Variants in DTNA observed in about 807,000 individuals in gnomAD.
DTNA encodes dystrophin-related protein 3.
Under a neutral mutation model 100.7 loss-of-function variants are expected in DTNA, and 43 were observed. That is an observed-to-expected ratio of 0.43 (90% CI 0.33 to 0.55). DTNA has a LOEUF of 0.55. Among genes scored for constraint, DTNA ranks in the 20% least tolerant of loss-of-function variants. The probability of loss-of-function intolerance (pLI) is 0.04; values close to 1 mark genes in which losing one functional copy is unlikely to be tolerated. For synonymous variants in DTNA, 349 were observed against 347.9 expected (o/e 1.00, Z -0.04); for missense variants, 798 against 953.9 (o/e 0.84, Z 2.15).
chr18:34,821,087 G>C, intron 9 of DTNA, 172 bp downstream of exon 9: 1 of 907,338 alleles, frequency 1.1e-6, no homozygotes, highest in East Asian at 2.7e-5. Flanking sequence ...GAGGTGTACA[G>C]TACTTCCACC....
rs1408396499 is a variant in DTNA at position 34,743,064 on chromosome 18, GA to G, written c.-1-12906del. ...TTCTCCCAGTCTTCCCTTAATTTCA[GA>G]AAAAATTCTCTTCAATGGAAGGGAC... On this transcript the variant is annotated intron_variant, in intron 1 of 22. Coordinates refer to ENST00000444659, the MANE Select transcript of DTNA (RefSeq NM_001386795.1). 4.6e-5 allele frequency among the ~76,000 whole-genome samples: 7 copies of G among 152,140 alleles called. No homozygotes were observed. The South Asian group carries it at 1.5e-3, about 32-fold the overall frequency.
At chr18:34,685,613 C>T (rs2078777806) in intron 1 of DTNA, among the ~76,000 whole-genome samples, 1 of 152,122 alleles carries the variant, frequency 6.6e-6, no homozygotes, top group Non-Finnish European at 1.5e-5. Flanking sequence ...ATTGTCTTGG[C>T]TATACAGGCT....
intron 1 of DTNA, among the ~76,000 whole-genome samples, chr18:34,533,527 G>T (rs780682089): frequency 1.3e-5 from 2 of 152,074 alleles, no homozygotes; most frequent in Non-Finnish European, 2.9e-5. Flanking sequence ...GGAACTAGAG[G>T]CAACCATATG....
chr18:34,528,604 C>A (rs998364407), intron 1 of DTNA, among the ~76,000 whole-genome samples: 13 of 152,050 alleles, frequency 8.5e-5, no homozygotes, highest in African/African-American at 3.1e-4. Flanking sequence ...AAAGAAAGAA[C>A]TACCCAGAAC....
intron 1 of DTNA, among the ~76,000 whole-genome samples, chr18:34,710,738 A>G (rs2082739272): frequency 6.6e-6 from 1 of 151,996 alleles, no homozygotes; most frequent in Non-Finnish European, 1.5e-5. Flanking sequence ...AAGTAATAAG[A>G]ATGCAATAAC....
At chr18:34,820,992 C>T (rs2095701693) in intron 9 of DTNA, 77 bp downstream of exon 9, 1 of 1,599,704 alleles carries the variant, frequency 6.3e-7, no homozygotes, top group Non-Finnish European at 8.6e-7. Flanking sequence ...AAAGCAATTT[C>T]CTATCAGTGG....
intron 1 of DTNA, among the ~76,000 whole-genome samples, chr18:34,511,500 G>A (rs2041090085): frequency 6.6e-6 from 1 of 152,048 alleles, no homozygotes; most frequent in Non-Finnish European, 1.5e-5. Context: ...TAACTTGAGA[G>A]TTGGCTGGGC....
intron 1 of DTNA, among the ~76,000 whole-genome samples, chr18:34,669,929 A>T (rs1023058921): frequency 8.5e-5 from 13 of 152,136 alleles, no homozygotes; most frequent in African/African-American, 3.1e-4. Context: ...CTTGAGGAGT[A>T]TCTTTGTGGC....
rs1445768007 is a variant in DTNA at position 34,794,346 on chromosome 18, T to TC, written c.362+96_362+97insC. ...TCCCAAACAATTTTATATCTCTCTCTTTTTTTTTTTACTCTCTTTTTTCTT... is the reference window on the plus strand; with the variant it reads ...TCCCAAACAATTTTATATCTCTCTCTCTTTTTTTTTTACTCTCTTTTTTCTT... On this transcript the variant is annotated intron_variant, in intron 4 of 22. Transcript: ENST00000444659. The TC allele has an allele frequency of 1.9e-5, 11 of 568,318 alleles. 1 individual carries two copies. The highest frequency in any genetic ancestry group is 1.6e-4 in the South Asian group (5 of 32,038). 35.2% of individuals were successfully genotyped at this position (568,318 alleles called of 1,614,324 possible).
chr18:34,707,023 T>C (rs1271104621), upstream of DTNA, among the ~76,000 whole-genome samples: 1 of 152,230 alleles, frequency 6.6e-6, no homozygotes, highest in Non-Finnish European at 1.5e-5. Context: ...TTTTTAACTA[T>C]GATGTGAAAA....
chr18:34,668,462 T>C (rs2076260994), intron 1 of DTNA, among the ~76,000 whole-genome samples: 1 of 152,184 alleles, frequency 6.6e-6, no homozygotes, highest in African/African-American at 2.4e-5. Flanking sequence ...TCTTGCCTTC[T>C]GCTAGCTTTT....
At chr18:34,657,052 A>G (rs1395219046) in intron 1 of DTNA, among the ~76,000 whole-genome samples, 2 of 151,788 alleles carry the variant, frequency 1.3e-5, no homozygotes, top group Non-Finnish European at 2.9e-5. Flanking sequence ...AATTTTTTAT[A>G]TTTTCAGTAG....
chr18:34,551,107 T>C (rs894658231), intron 1 of DTNA, among the ~76,000 whole-genome samples: 1 of 152,210 alleles, frequency 6.6e-6, no homozygotes, highest in Non-Finnish European at 1.5e-5. Flanking sequence ...TCACTATGAA[T>C]AGACTGGCCT....
At chr18:34,885,215 G>A (rs897250138) in intron 22 of DTNA, among the ~76,000 whole-genome samples, 1 of 152,192 alleles carries the variant, frequency 6.6e-6, no homozygotes, top group African/African-American at 2.4e-5. Context: ...AAATGTGTGT[G>A]CCTTAACGAG....
intron 1 of DTNA, among the ~76,000 whole-genome samples, chr18:34,696,304 C>T (rs1489289101): frequency 6.6e-6 from 1 of 152,150 alleles, no homozygotes; most frequent in East Asian, 1.9e-4. Flanking sequence ...ATAGGCCGGG[C>T]ATGGTGGCTC....
intron 1 of DTNA, among the ~76,000 whole-genome samples, chr18:34,752,266 A>G (rs2092387588): frequency 6.6e-6 from 1 of 152,204 alleles, no homozygotes; most frequent in African/African-American, 2.4e-5. Context: ...AAATTCATGA[A>G]AAGCACAGCT....
chr18:34,764,931 A>G (rs1394744735), intron 2 of DTNA, among the ~76,000 whole-genome samples: 1 of 152,202 alleles, frequency 6.6e-6, no homozygotes, highest in African/African-American at 2.4e-5. Context: ...TGATAGTCTA[A>G]TGTGTTCTAG....
rs2096948101 is a variant in DTNA, at chr18:34,889,129, A to G, written c.*1395A>G. On this transcript the variant is annotated 3_prime_UTR_variant, in exon 23 of 23. Coordinates refer to ENST00000444659, the MANE Select transcript of DTNA (RefSeq NM_001386795.1). ...AATCTTCTACTTGCTTCAAGATTTG[A>G]TTTTTTTAAAAAAGCCTGCGACCTA... 3 of 966,152 alleles carry G rather than the reference A, an allele frequency of 3.1e-6. No individual in the cohort carries two copies. In the African/African-American group the frequency reaches 6.9e-5, roughly 22 times the overall value. 59.8% of individuals were successfully genotyped at this position (966,152 alleles called of 1,614,324 possible). A position where few individuals can be genotyped will look rare whatever the true frequency, so the allele number is the denominator to read the frequency against.
intron 1 of DTNA, among the ~76,000 whole-genome samples, chr18:34,583,077 T>TAA (rs1567951400): frequency 6.6e-6 from 1 of 152,206 alleles, no homozygotes; most frequent in Non-Finnish European, 1.5e-5. Flanking sequence ...TTAAGAGAGA[T>TAA]AGTTTTGCCT....
Sources: gnomAD v4.1 joint callset for allele counts (sites outside exome capture counted in the v4.1 genomes callset) on GRCh38, gnomAD v4.1.1 for gene constraint, MANE v1.5 for transcripts, NCBI Gene and HGNC (gene_info 2026-07-23, HGNC 2026-07-21) for gene names.